Variants in PTPRD observed in about 807,000 individuals in gnomAD.
PTPRD encodes the protein receptor-type tyrosine-protein phosphatase delta.
PTPRD carries 34 observed loss-of-function variants against 214.5 expected under a neutral mutation model. That is an observed-to-expected ratio of 0.16 (90% CI 0.12 to 0.21). The LOEUF (loss-of-function observed/expected upper bound fraction) is 0.21. PTPRD is among the 10% of genes least tolerant of loss of function. The pLI is 1.00. For synonymous variants in PTPRD, 1,128 were observed against 845.7 expected (o/e 1.33, Z -5.79); for missense variants, 2,545 against 2,398.7 (o/e 1.06, Z -1.27).
chr9:9,646,686 C>T (rs886740116), intron 7 of PTPRD, among the ~76,000 whole-genome samples: 6 of 152,096 alleles, frequency 3.9e-5, no homozygotes, highest in Non-Finnish European at 5.9e-5. Flanking sequence ...GGCGTACATT[C>T]TAAGACCCTC....
At position 10,518,718 on chromosome 9, in the gene PTPRD, C is replaced by G. The variant is rs375067517; in HGVS notation, c.-600+93680G>C. Among the ~76,000 whole-genome samples the G allele has an allele frequency of 1.2e-3, 175 of 151,634 alleles. 1 individual carries two copies. Among genetic ancestry groups the G allele is most frequent in the African/African-American group, 2.9e-3 (120 of 41,522 alleles). On this transcript the variant is annotated intron_variant, in intron 2 of 45. Transcript: ENST00000381196. The stretch of plus-strand genomic sequence containing the variant: ...CGGCTAATTTTTTGTATTTTTAGTA[C>G]AGACAGGGTTTTACCGTGTTAGCCA...
At chr9:10,156,790 G>A (rs1189439592) in intron 3 of PTPRD, among the ~76,000 whole-genome samples, 1 of 152,170 alleles carries the variant, frequency 6.6e-6, no homozygotes, top group Non-Finnish European at 1.5e-5. Context: ...AAGTTTTTAA[G>A]AACTTGCTTT....
At chr9:9,243,273 C>T (rs1266564530) in intron 9 of PTPRD, among the ~76,000 whole-genome samples, 1 of 152,130 alleles carries the variant, frequency 6.6e-6, no homozygotes, top group African/African-American at 2.4e-5. Flanking sequence ...AAGAGGAATC[C>T]TCCCTAACTC....
intron 2 of PTPRD, among the ~76,000 whole-genome samples, chr9:10,358,041 G>A (rs1027883209): frequency 2.6e-5 from 4 of 152,216 alleles, no homozygotes; most frequent in South Asian, 4.1e-4. Context: ...ACTTGGATGA[G>A]ACAACCTCAT....
intron 2 of PTPRD, among the ~76,000 whole-genome samples, chr9:10,559,751 C>T (rs1021638008): frequency 2.6e-5 from 4 of 152,044 alleles, no homozygotes; most frequent in Non-Finnish European, 5.9e-5. Flanking sequence ...GGGCGAAGGA[C>T]ATGAACAGAC....
chr9:8,619,156 T>C (rs1325080601), intron 14 of PTPRD, among the ~76,000 whole-genome samples: 2 of 152,054 alleles, frequency 1.3e-5, no homozygotes, highest in Non-Finnish European at 2.9e-5. Flanking sequence ...AGTTAAATCT[T>C]GCTCAGTAAC....
intron 7 of PTPRD, among the ~76,000 whole-genome samples, chr9:9,610,048 G>A (rs2094436064): frequency 6.6e-6 from 1 of 152,094 alleles, no homozygotes; most frequent in African/African-American, 2.4e-5. Flanking sequence ...TATGTTAGTA[G>A]TCTGGATTCC....
intron 11 of PTPRD, 63 bp from the exon 12 acceptor site, chr9:8,734,009 T>A (rs1006415692): frequency 6.1e-6 from 4 of 653,854 alleles, no homozygotes; most frequent in Non-Finnish European, 1.1e-5. Context: ...GATTTCTTAC[T>A]CTTTCCCCCC....
At chr9:10,597,960 A>C (rs2076995581) in intron 2 of PTPRD, among the ~76,000 whole-genome samples, 2 of 151,824 alleles carry the variant, frequency 1.3e-5, no homozygotes, top group African/African-American at 2.4e-5. Flanking sequence ...CTGGGAAAGC[A>C]TGACGGCTAA....
chr9:10,267,121 G>T (rs1595741814), intron 3 of PTPRD, among the ~76,000 whole-genome samples: 1 of 150,570 alleles, frequency 6.6e-6, no homozygotes, highest in Non-Finnish European at 1.5e-5. Context: ...AACTCGGGGG[G>T]CAGAGGTTGC....
At chr9:8,546,467 A>C (rs1253227550) in intron 14 of PTPRD, among the ~76,000 whole-genome samples, 1 of 151,948 alleles carries the variant, frequency 6.6e-6, no homozygotes, top group Non-Finnish European at 1.5e-5. Flanking sequence ...CCCTGGTTTC[A>C]GGGGAATATT....
intron 3 of PTPRD, among the ~76,000 whole-genome samples, chr9:10,195,062 A>G (rs2099392058): frequency 6.8e-6 from 1 of 146,004 alleles, no homozygotes; most frequent in Non-Finnish European, 1.5e-5. Context: ...CCTTCCAAGT[A>G]GCTGGCACTA....
rs943003243 is a variant in PTPRD at position 8,856,207 on chromosome 9, T to C, written c.-103-122261A>G. 4.8e-3 allele frequency among the ~76,000 whole-genome samples: 24 copies of C among 4,972 alleles called. No homozygotes were observed. The Non-Finnish European group carries it at 0.19, about 39-fold the overall frequency. 3.3% of individuals were successfully genotyped at this position (4,972 alleles called of 152,430 possible). A position where few individuals can be genotyped will look rare whatever the true frequency, so the allele number is the denominator to read the frequency against. Reference sequence around the variant, plus strand: ...ATTACATATACAACTTAATCTTAAGTTATTATCTCTACAGATCCCTTTACA... The same window carrying C: ...ATTACATATACAACTTAATCTTAAGCTATTATCTCTACAGATCCCTTTACA... On this transcript the variant is annotated intron_variant, in intron 11 of 45. Transcript: ENST00000381196.
chr9:9,060,372 C>T (rs1187853010), intron 10 of PTPRD, among the ~76,000 whole-genome samples: 2 of 151,978 alleles, frequency 1.3e-5, no homozygotes, highest in African/African-American at 4.8e-5. Flanking sequence ...AAGAATTTTA[C>T]AACATAATGT....
At chr9:9,826,282 A>AT (rs967451611) in intron 5 of PTPRD, among the ~76,000 whole-genome samples, 10 of 151,366 alleles carry the variant, frequency 6.6e-5, no homozygotes, top group African/African-American at 2.4e-4. Flanking sequence ...TTCTGAAATG[A>AT]TTTTCTTTTA....
intron 2 of PTPRD, among the ~76,000 whole-genome samples, chr9:10,348,093 T>C (rs75325840): frequency 2.0e-5 from 3 of 152,298 alleles, no homozygotes; most frequent in East Asian, 1.9e-4. Flanking sequence ...TTGTGAACTA[T>C]AGTCACACTA....
intron 5 of PTPRD, among the ~76,000 whole-genome samples, chr9:9,910,171 A>G (rs2078793126): frequency 6.6e-6 from 1 of 151,948 alleles, no homozygotes; most frequent in Non-Finnish European, 1.5e-5. Flanking sequence ...AATAAGTTAC[A>G]TACAAAGTAC....
At chr9:10,045,696 T>C (rs879838657) in intron 3 of PTPRD, among the ~76,000 whole-genome samples, 9 of 151,874 alleles carry the variant, frequency 5.9e-5, no homozygotes, top group Admixed American at 5.9e-4. Context: ...ATTTTAAATA[T>C]ATAGCTTATT....
chr9:8,815,932 A>G (rs2096910437), intron 11 of PTPRD, among the ~76,000 whole-genome samples: 1 of 152,212 alleles, frequency 6.6e-6, no homozygotes, highest in Middle Eastern at 3.2e-3. Flanking sequence ...AAAACACCCT[A>G]TGGTGGTACT....
Sources: allele counts gnomAD v4.1 joint callset (sites outside exome capture counted in the v4.1 genomes callset), GRCh38; gene constraint gnomAD v4.1.1; transcripts MANE v1.5; gene names NCBI Gene and HGNC (gene_info 2026-07-23, HGNC 2026-07-21).